STX17: variants seen among roughly 807,000 people sequenced by gnomAD.
STX17 encodes the protein syntaxin-17.
In STX17, 29 loss-of-function variants were observed where a neutral mutation model predicts 35.9. The ratio of observed to expected loss-of-function variants is 0.81; its 90% CI spans 0.60 to 1.10. The LOEUF (loss-of-function observed/expected upper bound fraction) is 1.10, where lower values mean the gene tolerates loss of function less well. STX17 is among the 50% of genes least tolerant of loss of function. STX17 has a pLI of 0.00. For missense variants in STX17, 312 were observed against 352.3 expected (o/e 0.89, Z 0.92); for synonymous variants, 92 against 118.3 (o/e 0.78, Z 1.44).
intron 3 of STX17, 65 bp from the exon 4 acceptor site, chr9:99,950,995 A>T: frequency 1.5e-6 from 2 of 1,348,304 alleles, no homozygotes; most frequent in Non-Finnish European, 2.0e-6. Flanking sequence ...TTATAACATT[A>T]CTTCTGAAAA....
At chr9:99,957,042 G>A (rs2118506851) in intron 4 of STX17, among the ~76,000 whole-genome samples, 1 of 152,188 alleles carries the variant, frequency 6.6e-6, no homozygotes, top group East Asian at 1.9e-4. Context: ...GTCTTTAACT[G>A]GTCTGCAAGG....
intron 6 of STX17, among the ~76,000 whole-genome samples, chr9:99,962,292 C>T (rs988160245): frequency 6.6e-6 from 1 of 152,136 alleles, no homozygotes; most frequent in African/African-American, 2.4e-5. Context: ...GGTATCTGTA[C>T]AATATTAATA....
rs141177726 is a variant in STX17 at position 99,911,092 on chromosome 9, G to A, written c.-62-4086G>A. On this transcript the variant is annotated intron_variant, in intron 1 of 7. Transcript: ENST00000259400. The stretch of plus-strand genomic sequence containing the variant: ...GCTCTGTTGCCCAAGCTGGAGTGCA[G>A]TGGTGAGATCTGGGTTCACCGCAAC... 5.8e-3 allele frequency among the ~76,000 whole-genome samples: 880 copies of A among 151,700 alleles called. 1 individual carries two copies. Among genetic ancestry groups the A allele is most frequent in the Non-Finnish European group, 8.8e-3 (596 of 67,904 alleles).
chr9:99,964,794 G>C (rs2118536201), intron 6 of STX17, among the ~76,000 whole-genome samples: 1 of 152,232 alleles, frequency 6.6e-6, no homozygotes, highest in East Asian at 1.9e-4. Flanking sequence ...GCTCTGTATG[G>C]AGTCTGGTTT....
chr9:99,928,771 T>C lies in STX17; in HGVS notation c.124-7T>C, dbSNP rs55893376. On this transcript the variant is annotated splice_polypyrimidine_tract_variant and splice_region_variant and intron_variant, in intron 2 of 7. Coordinates refer to ENST00000259400, the MANE Select transcript of STX17 (RefSeq NM_017919.3). Reference sequence around the variant, plus strand: ...AATTTAATACCTCCCTTCTTTCTTTTATATAGTATCAAAGGTGCAGAATCT... The same window carrying C: ...AATTTAATACCTCCCTTCTTTCTTTCATATAGTATCAAAGGTGCAGAATCT... The C allele has an allele frequency of 6.2e-7, 1 of 1,611,408 alleles. No homozygotes were observed. The highest frequency in any genetic ancestry group is 8.5e-7 in the Non-Finnish European group (1 of 1,177,782).
chr9:99,928,643 A>AT, intron 2 of STX17, 135 bp from the exon 3 acceptor site: 1 of 538,560 alleles, frequency 1.9e-6, no homozygotes, highest in Non-Finnish European at 3.2e-6. Context: ...TGGAAAGTTA[A>AT]TTACCACTAC....
intron 6 of STX17, among the ~76,000 whole-genome samples, chr9:99,962,547 T>C (rs564594590): frequency 8.5e-5 from 13 of 152,216 alleles, no homozygotes; most frequent in Non-Finnish European, 1.9e-4. Context: ...AAACTACACA[T>C]GTACAAAGTT....
chr9:99,921,484 A>G (rs998628765), intron 2 of STX17, among the ~76,000 whole-genome samples: 9 of 151,892 alleles, frequency 5.9e-5, no homozygotes, highest in Non-Finnish European at 7.4e-5. Flanking sequence ...CTTCTAATTT[A>G]TGTTATGTGC....
At chr9:99,962,928 C>G (rs1202825404) in intron 6 of STX17, among the ~76,000 whole-genome samples, 1 of 152,156 alleles carries the variant, frequency 6.6e-6, no homozygotes, top group East Asian at 1.9e-4. Flanking sequence ...CTCTCATTAT[C>G]ATCACATGGA....
chr9:99,916,935 G>A (rs1828788758), intron 2 of STX17, among the ~76,000 whole-genome samples: 2 of 152,104 alleles, frequency 1.3e-5, no homozygotes, highest in Non-Finnish European at 2.9e-5. Flanking sequence ...AGTACCCTCA[G>A]ATCCTTGCTA....
chr9:99,967,049 T>G (rs1461862837), intron 6 of STX17, among the ~76,000 whole-genome samples: 1 of 152,236 alleles, frequency 6.6e-6, no homozygotes, highest in East Asian at 1.9e-4. Flanking sequence ...GTCATGATTT[T>G]AAAATGTATT....
intron 1 of STX17, 89 bp from the exon 2 acceptor site, chr9:99,915,089 T>G: frequency 1.2e-6 from 1 of 846,816 alleles, no homozygotes; most frequent in Non-Finnish European, 1.6e-6. Flanking sequence ...TATTTATTGA[T>G]TTAGAATAAA....
At chr9:99,931,287 AG>A (rs1287975664) in intron 3 of STX17, among the ~76,000 whole-genome samples, 1 of 151,478 alleles carries the variant, frequency 6.6e-6, no homozygotes, top group African/African-American at 2.4e-5. Context: ...CTGATTTTCC[AG>A]TCTTTGTACA....
chr9:99,932,996 G>A (rs1488233162), intron 3 of STX17, among the ~76,000 whole-genome samples: 1 of 151,892 alleles, frequency 6.6e-6, no homozygotes, highest in Admixed American at 6.6e-5. Context: ...TCCTACTTTG[G>A]CGGCTTGTTC....
chr9:99,968,378 C>G lies in STX17; in HGVS notation c.670-56C>G, dbSNP rs1239915885. The G allele has an allele frequency of 2.0e-6, 3 of 1,511,808 alleles. No homozygotes were observed. The South Asian group carries it at 4.2e-5, about 21-fold the overall frequency. 93.6% of individuals were successfully genotyped at this position (1,511,808 alleles called of 1,614,324 possible). ...AGTAATGAGAGGAAAACGCACATCA[C>G]CACAGGCAGATATTCTCAACTCAGT... On this transcript the variant is annotated intron_variant, in intron 7 of 7. Transcript: ENST00000259400.
intron 3 of STX17, among the ~76,000 whole-genome samples, chr9:99,949,760 C>T (rs1298864811): frequency 6.6e-6 from 1 of 151,852 alleles, no homozygotes; most frequent in Non-Finnish European, 1.5e-5. Context: ...ATTATTTTTG[C>T]AAATTTGTTC....
intron 1 of STX17, among the ~76,000 whole-genome samples, chr9:99,914,304 G>A (rs916704040): frequency 5.0e-4 from 76 of 152,164 alleles, no homozygotes; most frequent in African/African-American, 1.8e-3. Flanking sequence ...TTCAAGCTTG[G>A]TTAAGCTGTG....
intron 3 of STX17, among the ~76,000 whole-genome samples, chr9:99,943,464 C>T (rs753726179): frequency 1.2e-4 from 18 of 152,166 alleles, no homozygotes; most frequent in African/African-American, 3.9e-4. Flanking sequence ...TGCGCCACCA[C>T]GCCCAGCAAA....
At chr9:99,950,945 CT>C in intron 3 of STX17, 114 bp from the exon 4 acceptor site, 1 of 987,644 alleles carries the variant, frequency 1.0e-6, no homozygotes, top group Non-Finnish European at 1.5e-6. Context: ...GCTACACCTT[CT>C]ATTGTGGAGA....
Sources: gnomAD v4.1 joint callset for allele counts (sites outside exome capture counted in the v4.1 genomes callset) on GRCh38, gnomAD v4.1.1 for gene constraint, MANE v1.5 for transcripts, NCBI Gene and HGNC (gene_info 2026-07-23, HGNC 2026-07-21) for gene names.